WARS1: variants seen among roughly 807,000 people sequenced by gnomAD.
The protein encoded by WARS1 is tryptophanyl-tRNA synthetase 1.
WARS1 carries 17 observed loss-of-function variants against 47.8 expected under a neutral mutation model. That is an observed-to-expected ratio of 0.36 (90% CI 0.24 to 0.53). WARS1 has a LOEUF of 0.53. Among genes scored for constraint, WARS1 ranks in the 20% least tolerant of loss-of-function variants. The probability of loss-of-function intolerance (pLI) is 0.91; values close to 1 mark genes in which losing one functional copy is unlikely to be tolerated. For missense variants in WARS1, 434 were observed against 608.0 expected (o/e 0.71, Z 3.01); for synonymous variants, 208 against 228.1 (o/e 0.91, Z 0.79).
chr14:100,342,420 G>C lies in WARS1; in HGVS notation c.1091C>G (p.Thr364Arg). The change falls in exon 9 of 11, where the codon ACG (threonine) becomes AGG (arginine). Residue 364 changes from threonine to arginine, a missense_variant. Thr to Arg is a moderately conservative substitution (Grantham distance 71). Coordinates refer to ENST00000392882, the MANE Select transcript of WARS1 (RefSeq NM_004184.4). ...CACCTTGGTTTTGATCTGCTTGGCCGTGTCGGTGAGGAAGATGGAGGAGTT... is the reference window on the plus strand; with the variant it reads ...CACCTTGGTTTTGATCTGCTTGGCCCTGTCGGTGAGGAAGATGGAGGAGTT... ...DPNSSIFLTDTAKQIKTKVNK... is the reference protein window; with the variant it reads ...DPNSSIFLTDRAKQIKTKVNK... 1.2e-6 allele frequency: 2 copies of C among 1,614,002 alleles called. No homozygotes were observed. The highest frequency in any genetic ancestry group is 1.7e-6 in the Non-Finnish European group (2 of 1,179,938).
chr14:100,349,016 C>T (rs916708779), intron 6 of WARS1, among the ~76,000 whole-genome samples: 2 of 152,190 alleles, frequency 1.3e-5, no homozygotes, highest in Non-Finnish European at 2.9e-5. Context: ...ATGCCAGTGC[C>T]GGCACATGGA....
chr14:100,364,094 T>C (rs1327962684), intron 2 of WARS1, among the ~76,000 whole-genome samples: 1 of 152,152 alleles, frequency 6.6e-6, no homozygotes, highest in Non-Finnish European at 1.5e-5. Flanking sequence ...GTTACACAGG[T>C]GTGGTCATTT....
intron 8 of WARS1, among the ~76,000 whole-genome samples, chr14:100,342,923 G>C (rs568056799): frequency 5.9e-5 from 9 of 151,724 alleles, no homozygotes; most frequent in African/African-American, 2.2e-4. Flanking sequence ...TTTTGAGACA[G>C]AGCCTTGCTC....
chr14:100,366,575 A>T, intron 2 of WARS1: 1 of 659,276 alleles, frequency 1.5e-6, no homozygotes. Flanking sequence ...TACCATTAAG[A>T]TCTCAGAGAG....
Position 100,337,141 on chromosome 14 carries a change from C to G in WARS1, c.1175G>C (p.Gly392Ala), listed in dbSNP as rs1357653062. 2 of 1,614,196 alleles carry G rather than the reference C, an allele frequency of 1.2e-6. No individual in the cohort carries two copies. The highest frequency in any genetic ancestry group is 1.7e-6 in the Non-Finnish European group (2 of 1,180,030). The change falls in exon 10 of 11, where the codon GGC becomes GCC. Residue 392 changes from glycine (G) to alanine (A), a missense_variant. Around this residue, in one of 2 missense-constraint regions of WARS1, gnomAD observed 347 missense variants for 523.8 expected, o/e 0.66. Transcript: ENST00000392882. ...DTIEEHRQFG[G>A]NCDVDVSFMY... is the part of the protein sequence containing the mutation. ...GAAAGACACGTCCACATCACAGTTG[C>G]CCCCAAACTGCCTGTGCTCCTCGAT...
At chr14:100,362,395 T>C (rs1174626273) in intron 2 of WARS1, among the ~76,000 whole-genome samples, 1 of 152,164 alleles carries the variant, frequency 6.6e-6, no homozygotes, top group Non-Finnish European at 1.5e-5. Context: ...TAACCAATGA[T>C]GCCACTAAGG....
At chr14:100,359,572 TGTG>T (rs1460235133) in intron 4 of WARS1, among the ~76,000 whole-genome samples, 1 of 152,212 alleles carries the variant, frequency 6.6e-6, no homozygotes, top group Non-Finnish European at 1.5e-5. Flanking sequence ...ATGCTAAACT[TGTG>T]GGAGTTATTG....
chr14:100,336,278 A>AAAG (rs1323000699), intron 10 of WARS1, among the ~76,000 whole-genome samples: 1 of 150,522 alleles, frequency 6.6e-6, no homozygotes, highest in Non-Finnish European at 1.5e-5. Flanking sequence ...TCTGTCTCAA[A>AAAG]AAAAAAAAAA....
At chr14:100,357,215 C>G (rs184282335) in intron 4 of WARS1, among the ~76,000 whole-genome samples, 2 of 152,082 alleles carry the variant, frequency 1.3e-5, no homozygotes, top group African/African-American at 4.8e-5. Flanking sequence ...CCCCTAAGAT[C>G]AGGAATAAGA....
intron 2 of WARS1, chr14:100,368,351 A>C (rs1376410195): frequency 2.2e-6 from 1 of 445,802 alleles, no homozygotes; most frequent in East Asian, 7.0e-5. Context: ...TGGTCATAAT[A>C]ATGTCAGTGT....
At chr14:100,339,221 C>T (rs149945866) in intron 9 of WARS1, among the ~76,000 whole-genome samples, 12 of 152,198 alleles carry the variant, frequency 7.9e-5, no homozygotes, top group South Asian at 2.1e-4. Context: ...GGGGCAAAGG[C>T]GCCTGTCTCC....
chr14:100,345,660 AAAAT>A (rs35202616), intron 7 of WARS1, among the ~76,000 whole-genome samples: 98,036 of 145,834 alleles, frequency 0.67, 32,967 homozygotes, highest in South Asian at 0.8. Context: ...ATGATCAATA[AAAAT>A]AAATAAATAA....
chr14:100,370,893 C>A (rs4905957), intron 1 of WARS1, among the ~76,000 whole-genome samples: 1 of 151,916 alleles, frequency 6.6e-6, no homozygotes, highest in Non-Finnish European at 1.5e-5. Context: ...CAGTGAGCTA[C>A]GTTTGCGCCA....
At chr14:100,361,614 A>G in intron 3 of WARS1, 94 bp downstream of exon 3, 1 of 1,333,636 alleles carries the variant, frequency 7.5e-7, no homozygotes, top group Non-Finnish European at 1.0e-6. Context: ...TGAATTTATG[A>G]TTAATTCAAA....
chr14:100,349,132 A>T (rs1375958283), intron 6 of WARS1, among the ~76,000 whole-genome samples: 2 of 152,196 alleles, frequency 1.3e-5, no homozygotes, highest in African/African-American at 4.8e-5. Flanking sequence ...GACAGGGTTT[A>T]AAGTGGGAAG....
chr14:100,349,007 T>TG (rs1894804905), intron 6 of WARS1, among the ~76,000 whole-genome samples: 1 of 152,198 alleles, frequency 6.6e-6, no homozygotes, highest in South Asian at 2.1e-4. Flanking sequence ...AAAGCAGCCA[T>TG]GCCAGTGCCG....
intron 6 of WARS1, chr14:100,353,014 A>C (rs1317039752): frequency 6.6e-6 from 1 of 152,244 alleles, no homozygotes; most frequent in Admixed American, 6.5e-5. Flanking sequence ...TAACTCTGGA[A>C]GACTGACTAT....
chr14:100,376,311 T>A, upstream of WARS1: 1 of 1,113,444 alleles, frequency 9.0e-7, no homozygotes, highest in African/African-American at 1.6e-5. Context: ...GGCTGTCTCC[T>A]GGGCGTCCGT....
rs144256519 is a variant in WARS1 at position 100,366,752 on chromosome 14, G to C, written c.99+2335C>G. On this transcript the variant is annotated intron_variant, in intron 2 of 10. Coordinates refer to ENST00000392882, the MANE Select transcript of WARS1 (RefSeq NM_004184.4). ...GAAGCTGGCTGAAAAAGGGCTAAGG[G>C]ATCCGTGGGGCCACAATGAAGCTTG... The C allele has an allele frequency of 2.7e-5, 25 of 913,558 alleles. No individual in the cohort carries two copies. The African/African-American group carries it at 2.9e-4, about 11-fold the overall frequency. 56.6% of individuals were successfully genotyped at this position (913,558 alleles called of 1,614,324 possible). A position where few individuals can be genotyped will look rare whatever the true frequency, so the allele number is the denominator to read the frequency against.
Sources: gnomAD v4.1 joint callset for allele counts (sites outside exome capture counted in the v4.1 genomes callset) on GRCh38, gnomAD v4.1.1 for gene constraint, gnomAD v4.1.1 regional missense constraint, MANE v1.5 for transcripts, NCBI Gene and HGNC (gene_info 2026-07-23, HGNC 2026-07-21) for gene names.